The following OTUD7B variants were observed in gnomAD, a reference collection of about 807,000 sequenced individuals.
OTUD7B encodes OTU domain-containing protein 7B.
OTUD7B carries 34 observed loss-of-function variants against 82.2 expected under a neutral mutation model. The ratio of observed to expected loss-of-function variants is 0.41; its 90% CI spans 0.31 to 0.55. The LOEUF is 0.55. OTUD7B is among the 20% of genes least tolerant of loss of function. The pLI is 0.20. For synonymous variants in OTUD7B, 398 were observed against 402.7 expected (o/e 0.99, Z 0.14); for missense variants, 944 against 1,062.1 (o/e 0.89, Z 1.55).
At chr1:150,013,128 A>G (rs72692834), upstream of OTUD7B, among the ~76,000 whole-genome samples, 8,499 of 152,338 alleles carry the variant, frequency 0.056, 312 homozygotes, top group Non-Finnish European at 0.088. Flanking sequence ...AGTAAGGGAA[A>G]AAAGGTAAAA....
At chr1:149,969,320 C>A (rs1205491304) in intron 3 of OTUD7B, among the ~76,000 whole-genome samples, 2 of 152,066 alleles carry the variant, frequency 1.3e-5, no homozygotes, top group Non-Finnish European at 2.9e-5. Flanking sequence ...CAAGACCCTG[C>A]CTCAAAAACA....
At chr1:150,052,054 A>C in the OTUD7B span, among the ~76,000 whole-genome samples, 1 of 152,214 alleles carries the variant, frequency 6.6e-6, no homozygotes, top group South Asian at 2.1e-4. Context: ...ACAAACCCAC[A>C]GCCAATATCA....
the OTUD7B span, among the ~76,000 whole-genome samples, chr1:150,040,165 T>C: frequency 6.6e-6 from 1 of 152,364 alleles, no homozygotes; most frequent in Non-Finnish European, 1.5e-5. Context: ...CAATAGCTTT[T>C]ATCAGGAATG....
the OTUD7B span, among the ~76,000 whole-genome samples, chr1:150,058,365 T>A: frequency 6.6e-6 from 1 of 151,964 alleles, no homozygotes; most frequent in Non-Finnish European, 1.5e-5. Flanking sequence ...AATAAATTAA[T>A]GGGCATGGTA....
chr1:150,064,814 T>C, the OTUD7B span, among the ~76,000 whole-genome samples: 9 of 152,368 alleles, frequency 5.9e-5, no homozygotes, highest in South Asian at 1.2e-3. Context: ...ACAAGGATTA[T>C]AGTAAATAGA....
the OTUD7B span, among the ~76,000 whole-genome samples, chr1:150,016,430 A>G: frequency 7.0e-6 from 1 of 142,668 alleles, no homozygotes; most frequent in Non-Finnish European, 1.5e-5. Context: ...ACATTTACTA[A>G]TTTTCTTTCT....
the OTUD7B span, among the ~76,000 whole-genome samples, chr1:150,016,318 A>G: frequency 1.2e-4 from 18 of 152,144 alleles, no homozygotes; most frequent in African/African-American, 2.4e-4. Flanking sequence ...CTCCATTTCT[A>G]CATTTCCATT....
chr1:150,004,091 AT>A (rs1652489035), intron 1 of OTUD7B, among the ~76,000 whole-genome samples: 1 of 150,934 alleles, frequency 6.6e-6, no homozygotes, highest in Non-Finnish European at 1.5e-5. Flanking sequence ...ATTAATTTCC[AT>A]TTTTCCTTCA....
intron 1 of OTUD7B, among the ~76,000 whole-genome samples, chr1:150,004,568 A>AAAAT (rs1407691196): frequency 6.6e-6 from 1 of 151,480 alleles, no homozygotes; most frequent in Non-Finnish European, 1.5e-5. Context: ...CTGTCTCAAA[A>AAAAT]AAATAAATAA....
At chr1:149,950,975 GTATTTTTTTT>G (rs1648182248) in intron 7 of OTUD7B, among the ~76,000 whole-genome samples, 3 of 12,246 alleles carry the variant, frequency 2.4e-4, no homozygotes, top group African/African-American at 8.7e-4. Flanking sequence ...TGTACTTTTT[GTATTTTTTTT>G]TTTTTTTTTT....
At chr1:149,984,120 T>A (rs2101881829) in intron 1 of OTUD7B, among the ~76,000 whole-genome samples, 1 of 152,302 alleles carries the variant, frequency 6.6e-6, no homozygotes, top group South Asian at 2.1e-4. Flanking sequence ...TATCTTTGCT[T>A]TAGTACCTCA....
the OTUD7B span, among the ~76,000 whole-genome samples, chr1:150,022,298 T>C: frequency 1.3e-5 from 2 of 150,122 alleles, no homozygotes; most frequent in Non-Finnish European, 2.9e-5. Context: ...CTCAGGAGGC[T>C]GAGGCAGGAG....
At chr1:149,987,917 A>T (rs1553781203) in intron 1 of OTUD7B, among the ~76,000 whole-genome samples, 2 of 152,104 alleles carry the variant, frequency 1.3e-5, no homozygotes, top group African/African-American at 4.8e-5. Flanking sequence ...TCATTCCCAA[A>T]TCTCCAGGAA....
intron 7 of OTUD7B, among the ~76,000 whole-genome samples, chr1:149,958,791 C>CT (rs1403622357): frequency 6.6e-6 from 1 of 151,834 alleles, no homozygotes; most frequent in African/African-American, 2.4e-5. Flanking sequence ...GTCACCCAGG[C>CT]TGGAGTGCAG....
chr1:150,063,945 T>C, the OTUD7B span, among the ~76,000 whole-genome samples: 1 of 152,222 alleles, frequency 6.6e-6, no homozygotes, highest in Non-Finnish European at 1.5e-5. Flanking sequence ...ATGGAGCAGG[T>C]CAAATCTTCC....
intron 1 of OTUD7B, among the ~76,000 whole-genome samples, chr1:149,992,752 G>A (rs1460334121): frequency 5.3e-5 from 8 of 152,134 alleles, no homozygotes; most frequent in Non-Finnish European, 7.4e-5. Context: ...GATTGCTGGC[G>A]TGAGCCACCG....
At chr1:149,967,207 A>T in intron 4 of OTUD7B, 87 bp downstream of exon 4, 1 of 841,854 alleles carries the variant, frequency 1.2e-6, no homozygotes, top group Non-Finnish European at 1.9e-6. Flanking sequence ...TTAAACTGGA[A>T]GCTAGCGATC....
At chr1:149,971,340 C>G (rs782648029) in intron 2 of OTUD7B, 89 bp from the exon 3 acceptor site, 19 of 789,158 alleles carry the variant, frequency 2.4e-5, no homozygotes, top group Non-Finnish European at 3.9e-5. Context: ...AACCAGTATG[C>G]AAATACGCAT....
chr1:150,044,711 A>G, the OTUD7B span, among the ~76,000 whole-genome samples: 21 of 151,444 alleles, frequency 1.4e-4, no homozygotes, highest in Non-Finnish European at 3.1e-4. Context: ...AAATAAAAAT[A>G]AAGTTCAAGG....
Sources: gnomAD v4.1 joint callset for allele counts (sites outside exome capture counted in the v4.1 genomes callset) on GRCh38, gnomAD v4.1.1 for gene constraint, MANE v1.5 for transcripts, NCBI Gene and HGNC (gene_info 2026-07-23, HGNC 2026-07-21) for gene names.